Variants in SLC17A1 observed in about 807,000 individuals in gnomAD.
SLC17A1 encodes sodium-dependent phosphate transport protein 1.
Under a neutral mutation model 53.5 loss-of-function variants are expected in SLC17A1, and 51 were observed. That is an observed-to-expected ratio of 0.95 (90% confidence interval 0.76 to 1.20). The LOEUF is 1.20. SLC17A1 is among the 50% of genes most tolerant of loss of function. The pLI is 0.00. For synonymous variants in SLC17A1, 179 were observed against 198.8 expected, an observed-to-expected ratio of 0.90 and a Z score of 0.84; for missense variants, 538 against 568.2, an observed-to-expected ratio of 0.95 and a Z score of 0.54.
In SLC17A1 at chr6:25,800,907, C is replaced by T; in HGVS notation, c.1252G>A (p.Gly418Arg). 1 of 1,603,836 alleles carries T rather than the reference C, an allele frequency of 6.2e-7. No individual in the cohort carries two copies. The highest frequency in any genetic ancestry group is 8.5e-7 in the Non-Finnish European group (1 of 1,170,952). The change falls in exon 11 of 13, where the codon GGA becomes AGA. Residue 418 changes from glycine to arginine, a missense_variant. By Grantham distance (125) the Gly-to-Arg change is moderately radical (BLOSUM62 -2). Transcript: ENST00000244527. The part of the protein sequence containing the change: ...IGGLIASTLT[G>R]LILKQDPESA... ...TTTCTTACCTGCTTAAGGATCAATC[C>T]AGTCAAAGTGGAAGCAATTAGTCCT...
chr6:25,771,576 GA>G, the SLC17A1 span, among the ~76,000 whole-genome samples: 1 of 52,580 alleles, frequency 1.9e-5, no homozygotes, highest in Admixed American at 2.3e-4. Context: ...CCTGTCTCAA[GA>G]GAAAAAAAAA....
the SLC17A1 span, among the ~76,000 whole-genome samples, chr6:25,755,649 A>G: frequency 6.6e-6 from 1 of 152,202 alleles, no homozygotes. Context: ...CCTGGTTTCA[A>G]AATAAATAGA....
intron 12 of SLC17A1, 156 bp downstream of exon 12, chr6:25,798,627 G>A (rs980178132): frequency 7.2e-6 from 4 of 558,608 alleles, no homozygotes; most frequent in Non-Finnish European, 5.6e-6. Context: ...GAGTCCCACA[G>A]CCATTTCAGG....
At chr6:25,739,812 T>C in the SLC17A1 span, among the ~76,000 whole-genome samples, 1 of 152,170 alleles carries the variant, frequency 6.6e-6, no homozygotes. Flanking sequence ...GCATGAGGTG[T>C]GGTTATTAAG....
At position 25,811,690 on chromosome 6, in the gene SLC17A1, C is replaced by T; in HGVS notation, c.978G>A (p.Leu326=). 1 of 1,613,818 alleles carries T rather than the reference C, an allele frequency of 6.2e-7. No individual in the cohort carries two copies. Among genetic ancestry groups the T allele is most frequent in the Non-Finnish European group, 8.5e-7 (1 of 1,179,820 alleles). ...NLAGQLSDFF[L]TRNILSVIAV... is the part of the protein sequence containing the mutation. ...CAATTACGCTGAGAATATTCCTGGT[C>T]AGGAAGAAGTCTGATAACTGACCTG... is the stretch of plus-strand genomic sequence containing the variant. Residue 326 remains leucine, a synonymous_variant, in exon 9 of 13, where the codon CTG becomes CTA. Transcript: ENST00000244527.
rs557265066 is a variant in SLC17A1, at chr6:25,787,214, G to A, written c.*3-3996C>T. The stretch of plus-strand genomic sequence containing the variant: ...GTTCAAAAGTTATTGGAGGCCAGGT[G>A]CAGTGGCTCACATCTGAAATTCCAG... On this transcript the variant is annotated intron_variant, in intron 12 of 12. Transcript: ENST00000244527. 3.9e-5 allele frequency among the ~76,000 whole-genome samples: 6 copies of A among 152,092 alleles called. No homozygotes were observed. In the South Asian group the frequency reaches 1.2e-3, roughly 32 times the overall value.
chr6:25,786,856 A>T (rs1763393901), intron 12 of SLC17A1, among the ~76,000 whole-genome samples: 1 of 152,114 alleles, frequency 6.6e-6, no homozygotes, highest in African/African-American at 2.4e-5. Flanking sequence ...CCTCTCCCTG[A>T]AGGAGAAGGT....
Position 25,829,639 on chromosome 6 carries a change from G to A in SLC17A1, c.34+885C>T, listed in dbSNP as rs180795889. Among the ~76,000 whole-genome samples, 42 of 152,224 alleles carry A rather than the reference G, an allele frequency of 2.8e-4. 1 individual carries two copies. Among genetic ancestry groups the A allele is most frequent in the Admixed American group, 9.8e-4 (15 of 15,294 alleles). On this transcript the variant is annotated intron_variant, in intron 2 of 12. Coordinates refer to ENST00000244527, the MANE Select transcript of SLC17A1 (RefSeq NM_005074.5). Reference sequence around the variant, plus strand: ...TTGCTCCAGGAAGTCCATGAATTATGTCTAAACAAGTTTTAAGTTAAAAAG... The same window carrying A: ...TTGCTCCAGGAAGTCCATGAATTATATCTAAACAAGTTTTAAGTTAAAAAG...
At chr6:25,769,250 A>G in the SLC17A1 span, 3 of 1,455,798 alleles carry the variant, frequency 2.1e-6, no homozygotes, top group Admixed American at 1.8e-5. Flanking sequence ...TTAAAGAGTT[A>G]TAAAAGAGTG....
At chr6:25,784,457 T>C (rs1206413731) in intron 12 of SLC17A1, among the ~76,000 whole-genome samples, 2 of 152,098 alleles carry the variant, frequency 1.3e-5, no homozygotes, top group African/African-American at 2.4e-5. Context: ...GTGCATCACA[T>C]GGTGAGAGCA....
At chr6:25,808,567 A>G (rs184303330) in intron 10 of SLC17A1, among the ~76,000 whole-genome samples, 2 of 152,142 alleles carry the variant, frequency 1.3e-5, no homozygotes, top group African/African-American at 2.4e-5. Flanking sequence ...CAAAATATAA[A>G]TAACCACATT....
the SLC17A1 span, chr6:25,771,145 T>C: frequency 1.4e-6 from 1 of 722,780 alleles, no homozygotes; most frequent in African/African-American, 1.8e-5. Context: ...GCCAACTACA[T>C]TTAACATTTA....
the SLC17A1 span, among the ~76,000 whole-genome samples, chr6:25,748,353 T>C: frequency 6.6e-6 from 1 of 152,022 alleles, no homozygotes; most frequent in East Asian, 1.9e-4. Context: ...CACAAAAAGA[T>C]TGGACATCCT....
the SLC17A1 span, chr6:25,726,378 C>T: frequency 6.2e-6 from 10 of 1,614,170 alleles, no homozygotes; most frequent in Middle Eastern, 1.6e-4. Context: ...CCGCCAAATA[C>T]ACTGGTGCGC....
the SLC17A1 span, chr6:25,776,757 C>A: frequency 6.2e-6 from 10 of 1,613,750 alleles, no homozygotes; most frequent in South Asian, 6.6e-5. Context: ...CAGGGGTGAA[C>A]GTGGGAAGCT....
At chr6:25,805,575 T>C (rs1581467922) in intron 10 of SLC17A1, among the ~76,000 whole-genome samples, 3 of 151,854 alleles carry the variant, frequency 2.0e-5, no homozygotes, top group African/African-American at 7.2e-5. Flanking sequence ...AAAAGATCAA[T>C]GAAACAAAAG....
downstream of SLC17A1, chr6:25,778,932 A>T: frequency 8.0e-7 from 1 of 1,248,564 alleles, no homozygotes; most frequent in Non-Finnish European, 1.1e-6. Flanking sequence ...CCAACTGGGA[A>T]GCCCATGGAA....
the SLC17A1 span, chr6:25,776,708 G>T: frequency 1.2e-6 from 2 of 1,613,900 alleles, no homozygotes; most frequent in Non-Finnish European, 1.7e-6. Flanking sequence ...TCACCATCAG[G>T]AAACTCTTCA....
At chr6:25,823,719 G>A (rs1257339865) in intron 3 of SLC17A1, among the ~76,000 whole-genome samples, 2 of 151,788 alleles carry the variant, frequency 1.3e-5, no homozygotes, top group Non-Finnish European at 2.9e-5. Context: ...TAGCAAATAT[G>A]TGCCCCTGTC....
Sources: gnomAD v4.1 joint callset for allele counts (sites outside exome capture counted in the v4.1 genomes callset) on GRCh38, gnomAD v4.1.1 for gene constraint, MANE v1.5 for transcripts, NCBI Gene and HGNC (gene_info 2026-07-23, HGNC 2026-07-21) for gene names.